Variants in DYNC2LI1 observed in about 807,000 individuals in gnomAD.
DYNC2LI1 encodes dynein cytoplasmic 2 light intermediate chain 1, also known as cytoplasmic dynein 2 light intermediate chain 1.
A neutral mutation model predicts 51.9 loss-of-function variants in DYNC2LI1; 45 were observed. The observed-to-expected ratio is 0.87, with a 90% CI of 0.68 to 1.11. DYNC2LI1 has a LOEUF of 1.11. Among genes scored for constraint, DYNC2LI1 ranks in the 50% most tolerant of loss-of-function variants. The probability of loss-of-function intolerance (pLI) is 0.00; values close to 1 mark genes in which losing one functional copy is unlikely to be tolerated. For missense variants in DYNC2LI1, 490 were observed against 417.4 expected, an observed-to-expected ratio of 1.17 and a Z score of -1.51; for synonymous variants, 130 against 137.8, an observed-to-expected ratio of 0.94 and a Z score of 0.40.
chr2:43,776,645 T>C (rs1007471735), intron 1 of DYNC2LI1, 137 bp from the exon 2 acceptor site: 1 of 538,006 alleles, frequency 1.9e-6, no homozygotes, highest in South Asian at 3.0e-5. Flanking sequence ...TCAGATGTTT[T>C]ACCAGATTAT....
At chr2:43,819,741 A>C in the DYNC2LI1 span, among the ~76,000 whole-genome samples, 2 of 152,198 alleles carry the variant, frequency 1.3e-5, no homozygotes, top group African/African-American at 4.8e-5. Context: ...TATTGAACAA[A>C]TGAACAGTTC....
intron 10 of DYNC2LI1, among the ~76,000 whole-genome samples, chr2:43,802,653 A>G (rs903816615): frequency 6.6e-6 from 1 of 152,170 alleles, no homozygotes; most frequent in African/African-American, 2.4e-5. Context: ...AAGAGAGTTC[A>G]TAATTGCTGA....
At chr2:43,774,463 A>G (rs953920237) in intron 1 of DYNC2LI1, among the ~76,000 whole-genome samples, 2 of 152,168 alleles carry the variant, frequency 1.3e-5, no homozygotes, top group Middle Eastern at 3.2e-3. Context: ...TAGACCACAA[A>G]GCCTCCTCTC....
chr2:43,801,175 TC>T (rs1666068242), intron 9 of DYNC2LI1: 1 of 156,534 alleles, frequency 6.4e-6, no homozygotes, highest in Non-Finnish European at 1.4e-5. Context: ...TCATATTATT[TC>T]CTGCTTCTTA....
downstream of DYNC2LI1, among the ~76,000 whole-genome samples, chr2:43,813,709 G>GTTTT (rs1214033245): frequency 2.8e-3 from 94 of 34,030 alleles, 5 homozygotes; most frequent in African/African-American, 6.5e-3. Context: ...TTTTTTTTTC[G>GTTTT]TTTTTTTTTT....
At chr2:43,777,611 T>C (rs577647506) in intron 2 of DYNC2LI1, among the ~76,000 whole-genome samples, 1 of 152,376 alleles carries the variant, frequency 6.6e-6, no homozygotes, top group South Asian at 2.1e-4. Context: ...TTCAAATTCC[T>C]GTTCACTTTC....
In DYNC2LI1 at chr2:43,782,246, A is replaced by G. The variant is rs765278061; in HGVS notation, c.127-1274A>G. On this transcript the variant is annotated intron_variant, in intron 2 of 12. Coordinates refer to ENST00000260605, the MANE Select transcript of DYNC2LI1 (RefSeq NM_016008.4). Reference sequence around the variant, plus strand: ...TTTCAGTTTGATGTAACACTGGCCAATAAACATCCTTCAATAATATACATT... The same window carrying G: ...TTTCAGTTTGATGTAACACTGGCCAGTAAACATCCTTCAATAATATACATT... 2.6e-5 allele frequency among the ~76,000 whole-genome samples: 4 copies of G among 152,282 alleles called. No individual in the cohort carries two copies. In the East Asian group the frequency reaches 7.7e-4, roughly 29 times the overall value.
rs763726281 is a variant in DYNC2LI1 at position 43,776,763 on chromosome 2, T to A, written c.9-19T>A. 1 of 1,347,836 alleles carries A rather than the reference T, an allele frequency of 7.4e-7. No homozygotes were observed. The highest frequency in any genetic ancestry group is 1.0e-6 in the Non-Finnish European group (1 of 978,780). The allele number at this position is 1,347,836 out of a possible 1,614,324, so 83.5% of individuals were successfully genotyped here. A position where few individuals can be genotyped will look rare whatever the true frequency, so the allele number is the denominator to read the frequency against. ...GAATTCTTTTTCCCTCAATTTTGTTTTTTCTGCCTCTCATGTAGTGAAACT... is the reference window on the plus strand; with the variant it reads ...GAATTCTTTTTCCCTCAATTTTGTTATTTCTGCCTCTCATGTAGTGAAACT... On this transcript the variant is annotated intron_variant, in intron 1 of 12. Coordinates refer to ENST00000260605, the MANE Select transcript of DYNC2LI1 (RefSeq NM_016008.4).
At chr2:43,822,777 T>G in the DYNC2LI1 span, 1 of 1,613,958 alleles carries the variant, frequency 6.2e-7, no homozygotes, top group Non-Finnish European at 8.5e-7. Flanking sequence ...CGGCCCTGGG[T>G]GAACTGAACA....
intron 2 of DYNC2LI1, 38 bp from the exon 3 acceptor site, chr2:43,783,482 T>G: frequency 1.4e-6 from 2 of 1,453,196 alleles, no homozygotes; most frequent in Non-Finnish European, 9.3e-7. Context: ...TACATATGAG[T>G]GACATTAACG....
At chr2:43,824,592 C>A in the DYNC2LI1 span, 1 of 985,298 alleles carries the variant, frequency 1.0e-6, no homozygotes. Flanking sequence ...TTTAAAGCAT[C>A]CCAGCAGGGC....
At chr2:43,822,840 A>G in the DYNC2LI1 span, 1 of 1,614,206 alleles carries the variant, frequency 6.2e-7, no homozygotes, top group Non-Finnish European at 8.5e-7. Flanking sequence ...ACAACGCTGA[A>G]GGGGAGGACG....
At chr2:43,812,547 C>T (rs915640053), downstream of DYNC2LI1, 2 of 154,598 alleles carry the variant, frequency 1.3e-5, no homozygotes, top group Admixed American at 6.4e-5. Flanking sequence ...AGCAGTGGTG[C>T]TCACCATCCA....
At position 43,787,049 on chromosome 2, in the gene DYNC2LI1, C is replaced by A. The variant is rs867447311; in HGVS notation, c.162-132C>A. ...TTTCTTTTGTGAATATAATTTATTT[C>A]AACGCTATTATACAAGGTAACTTCT... On this transcript the variant is annotated intron_variant, in intron 3 of 12. Coordinates refer to ENST00000260605, the MANE Select transcript of DYNC2LI1 (RefSeq NM_016008.4). 6.6e-6 allele frequency: 4 copies of A among 605,602 alleles called. No individual in the cohort carries two copies. The Admixed American group carries it at 1.2e-4, about 18-fold the overall frequency. 37.5% of individuals were successfully genotyped at this position (605,602 alleles called of 1,614,324 possible). A position where few individuals can be genotyped will look rare whatever the true frequency, so the allele number is the denominator to read the frequency against.
intron 10 of DYNC2LI1, among the ~76,000 whole-genome samples, chr2:43,803,199 C>G (rs1000710182): frequency 4.6e-5 from 7 of 152,078 alleles, no homozygotes; most frequent in Admixed American, 3.3e-4. Context: ...AAACTTAACT[C>G]TCACACAAAA....
the DYNC2LI1 span, among the ~76,000 whole-genome samples, chr2:43,825,940 C>T: frequency 6.6e-6 from 1 of 152,028 alleles, no homozygotes; most frequent in Non-Finnish European, 1.5e-5. Flanking sequence ...CTTCCCCTCT[C>T]AGGAGCTGTT....
rs147129090 is a variant in DYNC2LI1, at chr2:43,804,342, A to G, written c.803-300A>G. ...ACCAGTTTGCAGGTGTTTCTAGGGC[A>G]AACACTACCAAAAACTGGAATTACT... is the stretch of plus-strand genomic sequence containing the variant. On this transcript the variant is annotated intron_variant, in intron 10 of 12. Coordinates refer to ENST00000260605, the MANE Select transcript of DYNC2LI1 (RefSeq NM_016008.4). Among the ~76,000 whole-genome samples the G allele has an allele frequency of 1.8e-3, 274 of 152,316 alleles. 1 individual carries two copies. Among genetic ancestry groups the G allele is most frequent in the African/African-American group, 6.3e-3 (261 of 41,574 alleles).
chr2:43,813,132 T>C, downstream of DYNC2LI1: 1 of 1,296,498 alleles, frequency 7.7e-7, no homozygotes, highest in Admixed American at 1.7e-5. Context: ...GCTAATGAGA[T>C]GATCCCTTAT....
intron 5 of DYNC2LI1, among the ~76,000 whole-genome samples, chr2:43,791,829 A>G (rs561696389): frequency 6.6e-6 from 1 of 152,306 alleles, no homozygotes; most frequent in East Asian, 1.9e-4. Flanking sequence ...TTGTAATAGA[A>G]CATTTCCTGT....
Sources: allele counts gnomAD v4.1 joint callset (sites outside exome capture counted in the v4.1 genomes callset), GRCh38; gene constraint gnomAD v4.1.1; transcripts MANE v1.5; gene names NCBI Gene and HGNC (gene_info 2026-07-23, HGNC 2026-07-21).